DNAH17: variants seen among roughly 807,000 people sequenced by gnomAD.
DNAH17 encodes the protein dynein axonemal heavy chain 17, also known as axonemal beta dynein heavy chain 17.
Under a neutral mutation model 485.6 loss-of-function variants are expected in DNAH17, and 376 were observed. The observed-to-expected ratio is 0.77, with a 90% CI of 0.71 to 0.84. DNAH17 has a LOEUF of 0.84. Among genes scored for constraint, DNAH17 ranks in the 40% least tolerant of loss-of-function variants. The pLI, the probability that DNAH17 is intolerant of heterozygous loss-of-function variation, is 0.00. For synonymous variants in DNAH17, 3,031 were observed against 2,405.9 expected, an observed-to-expected ratio of 1.26 and a Z score of -7.60; for missense variants, 6,370 against 5,839.3, an observed-to-expected ratio of 1.09 and a Z score of -2.96.
At chr17:78,487,856 G>C (rs964261628) in intron 44 of DNAH17, among the ~76,000 whole-genome samples, 4 of 152,096 alleles carry the variant, frequency 2.6e-5, no homozygotes, top group South Asian at 2.1e-4. Context: ...TGTGCTCTGG[G>C]GGAGCTCCGC....
At chr17:78,501,621 C>T (rs1022456748) in intron 34 of DNAH17, 121 bp downstream of exon 34, 1 of 1,406,212 alleles carries the variant, frequency 7.1e-7, no homozygotes, top group Non-Finnish European at 9.6e-7. Flanking sequence ...CAGCTGCAGC[C>T]AGCAACAGAG....
intron 16 of DNAH17, 105 bp downstream of exon 16, chr17:78,551,430 C>G (rs1435378016): frequency 9.9e-7 from 1 of 1,014,310 alleles, no homozygotes; most frequent in Non-Finnish European, 1.5e-6. Flanking sequence ...CCCACTGCAC[C>G]CCACACATCG....
chr17:78,501,088 A>T, intron 35 of DNAH17, 96 bp downstream of exon 35: 1 of 1,400,014 alleles, frequency 7.1e-7, no homozygotes, highest in Non-Finnish European at 9.6e-7. Flanking sequence ...CAGTCCTTCC[A>T]GCCTCCACAG....
Position 78,539,838 on chromosome 17 carries a change from A to G in DNAH17, c.2575T>C (p.Trp859Arg), listed in dbSNP as rs1398649630. ...LFRADTLSLP[W>R]KDYVIYIDDM... ...TCAATGTAGATGACATAATCCTTCC[A>G]GGGCAGGCTCAGTGTGTCTGCCCTG... is the stretch of plus-strand genomic sequence containing the variant. Residue 859 changes from tryptophan to arginine, a missense_variant, in exon 18 of 81, where the codon TGG (tryptophan) becomes CGG (arginine). Physicochemically the swap from Trp to Arg is moderately radical, Grantham distance 101 (BLOSUM62 -3). Transcript: ENST00000389840. The G allele has an allele frequency of 6.2e-7, 1 of 1,611,150 alleles. No individual in the cohort carries two copies. The highest frequency in any genetic ancestry group is 1.1e-5 in the South Asian group (1 of 90,614).
chr17:78,484,731 G>A (rs931142974), intron 48 of DNAH17, 137 bp downstream of exon 48: 4 of 407,396 alleles, frequency 9.8e-6, no homozygotes, highest in East Asian at 5.5e-5. Context: ...CCCTACCCAC[G>A]TTGCAGCACC....
chr17:78,527,087 CA>C (rs1482752760), intron 22 of DNAH17, 91 bp from the exon 23 acceptor site: 75 of 1,158,542 alleles, frequency 6.5e-5, no homozygotes, highest in Non-Finnish European at 8.8e-5. Flanking sequence ...TAAGAAGCTG[CA>C]AAAACAGTGC....
chr17:78,499,121 G>A lies in DNAH17; in HGVS notation c.5641-9C>T. 1 of 1,564,576 alleles carries A rather than the reference G, an allele frequency of 6.4e-7. No homozygotes were observed. Among genetic ancestry groups the A allele is most frequent in the Non-Finnish European group, 8.7e-7 (1 of 1,155,592 alleles). ...TAGATATTTCCACAGGACTGGAAAG[G>A]GCGAGATGGAGAAAGGAAGAGCTGG... On this transcript the variant is annotated splice_polypyrimidine_tract_variant and intron_variant, in intron 36 of 80. Coordinates refer to ENST00000389840, the MANE Select transcript of DNAH17 (RefSeq NM_173628.4).
chr17:78,532,851 T>C, intron 19 of DNAH17, 115 bp from the exon 20 acceptor site: 1 of 1,218,716 alleles, frequency 8.2e-7, no homozygotes, highest in South Asian at 1.6e-5. Flanking sequence ...GCTTCCAATC[T>C]CTCATGATGA....
chr17:78,525,075 G>T lies in DNAH17; in HGVS notation c.3798C>A (p.Tyr1266Ter). The change falls in exon 25 of 81, where the codon TAC becomes TAA. Residue 1266 changes from tyrosine to a stop codon, truncating the protein, a stop_gained. Transcript: ENST00000389840. LOFTEE classifies it high-confidence loss of function. ...CCCGGTGGCAGGCCTTGAGCTGCTT[G>T]TAGTCTGGGACGGGGACCTCGAACA... ...GGLFEVPVPD[Y>*]KQLKACHREV... The T allele has an allele frequency of 6.2e-7, 1 of 1,613,832 alleles. No homozygotes were observed.
At chr17:78,469,645 T>C (rs2088653337) in intron 54 of DNAH17, among the ~76,000 whole-genome samples, 1 of 152,116 alleles carries the variant, frequency 6.6e-6, no homozygotes. Flanking sequence ...CACAGCCAGG[T>C]TCACAGCAGC....
chr17:78,540,110 G>C (rs1165788953), intron 17 of DNAH17, among the ~76,000 whole-genome samples: 1 of 152,040 alleles, frequency 6.6e-6, no homozygotes, highest in Non-Finnish European at 1.5e-5. Flanking sequence ...CAGCTCAAAT[G>C]TCCCTTCCTC....
intron 25 of DNAH17, among the ~76,000 whole-genome samples, chr17:78,521,483 C>G (rs562918416): frequency 6.6e-6 from 1 of 152,182 alleles, no homozygotes; most frequent in African/African-American, 2.4e-5. Context: ...CATCCATAAA[C>G]AAACAAAAAT....
intron 54 of DNAH17, among the ~76,000 whole-genome samples, chr17:78,472,379 C>T (rs1014657063): frequency 1.3e-5 from 2 of 150,602 alleles, no homozygotes; most frequent in African/African-American, 5.0e-5. Flanking sequence ...GCGAGACACG[C>T]AGCAAGGCCT....
Position 78,525,055 on chromosome 17 carries a change from T to C in DNAH17, c.3818A>G (p.His1273Arg), listed in dbSNP as rs768314043. ...CTCCTTCAGTAGGCGGACCTCCCGG[T>C]GGCAGGCCTTGAGCTGCTTGTAGTC... ...VPDYKQLKAC[H>R]REVRLLKELW... Residue 1273 changes from histidine (H) to arginine (R), a missense_variant, in exon 25 of 81, where the codon CAC becomes CGC. By Grantham distance (29) the His-to-Arg change is conservative (BLOSUM62 0). Coordinates refer to ENST00000389840, the MANE Select transcript of DNAH17 (RefSeq NM_173628.4). The C allele has an allele frequency of 9.9e-6, 16 of 1,613,716 alleles. No homozygotes were observed. The African/African-American group carries it at 1.7e-4, about 17-fold the overall frequency.
intron 25 of DNAH17, among the ~76,000 whole-genome samples, chr17:78,521,690 G>A (rs2090938207): frequency 6.6e-6 from 1 of 152,002 alleles, no homozygotes; most frequent in Non-Finnish European, 1.5e-5. Flanking sequence ...AAACTTTAAA[G>A]ATTATACTAA....
intron 58 of DNAH17, 56 bp downstream of exon 58, chr17:78,461,488 G>T: frequency 1.4e-6 from 2 of 1,447,820 alleles, no homozygotes; most frequent in Non-Finnish European, 9.1e-7. Flanking sequence ...GGAAGCCCAG[G>T]AGGCCTGGCC....
chr17:78,467,249 G>A (rs532194777), intron 55 of DNAH17, among the ~76,000 whole-genome samples: 11 of 152,342 alleles, frequency 7.2e-5, no homozygotes, highest in South Asian at 6.2e-4. Context: ...AGAAGGTGCT[G>A]TGGAGACAGG....
At chr17:78,508,731 A>G (rs2090555231) in intron 27 of DNAH17, among the ~76,000 whole-genome samples, 1 of 152,182 alleles carries the variant, frequency 6.6e-6, no homozygotes, top group African/African-American at 2.4e-5. Flanking sequence ...GATGATGGCT[A>G]AAGGATATGG....
Position 78,445,541 on chromosome 17 carries a change from A to C in DNAH17, c.11334+17T>G. 2 of 1,559,230 alleles carry C rather than the reference A, an allele frequency of 1.3e-6. No individual in the cohort carries two copies. The highest frequency in any genetic ancestry group is 1.7e-6 in the Non-Finnish European group (2 of 1,151,122). The stretch of plus-strand genomic sequence containing the variant: ...GGCGGGGAGAAAGCACAACGTGTTC[A>C]ACGTCTAAAGACGAACCTTGATCCC... On this transcript the variant is annotated intron_variant, in intron 70 of 80. Coordinates refer to ENST00000389840, the MANE Select transcript of DNAH17 (RefSeq NM_173628.4).
Sources: gnomAD v4.1 joint callset for allele counts (sites outside exome capture counted in the v4.1 genomes callset) on GRCh38, gnomAD v4.1.1 for gene constraint, MANE v1.5 for transcripts, NCBI Gene and HGNC (gene_info 2026-07-23, HGNC 2026-07-21) for gene names.